The following ANO4 variants were observed in gnomAD, a reference collection of about 807,000 sequenced individuals.
ANO4 encodes anoctamin 4, also known as anoctamin-4.
ANO4 carries 69 observed loss-of-function variants against 141.9 expected under a neutral mutation model. That is an observed-to-expected ratio of 0.49 (90% CI 0.40 to 0.59). The LOEUF is 0.59. Among genes scored for constraint, ANO4 ranks in the 20% least tolerant of loss-of-function variants. ANO4 has a pLI of 0.00. For missense variants in ANO4, 894 were observed against 1,162.2 expected (o/e 0.77, Z 3.36); for synonymous variants, 350 against 394.3 (o/e 0.89, Z 1.33).
chr12:101,110,380 T>C, intron 22 of ANO4, 24 bp from the exon 23 acceptor site: 1 of 1,595,682 alleles, frequency 6.3e-7, no homozygotes, highest in Non-Finnish European at 8.5e-7. Context: ...TACTCTCTGC[T>C]CTTTTTCCTT....
intron 1 of ANO4, among the ~76,000 whole-genome samples, chr12:100,725,478 C>T (rs1449195276): frequency 6.6e-6 from 1 of 151,640 alleles, no homozygotes; most frequent in Non-Finnish European, 1.5e-5. Flanking sequence ...TCCCGAGTAG[C>T]TGGGACTACA....
chr12:100,973,946 CA>C (rs995713720), intron 6 of ANO4, among the ~76,000 whole-genome samples: 1 of 152,050 alleles, frequency 6.6e-6, no homozygotes, highest in Non-Finnish European at 1.5e-5. Context: ...CACAAATACG[CA>C]AAAAAATTGG....
At chr12:100,989,529 T>G (rs1280911391) in intron 8 of ANO4, among the ~76,000 whole-genome samples, 2 of 149,886 alleles carry the variant, frequency 1.3e-5, no homozygotes, top group Non-Finnish European at 3.0e-5. Flanking sequence ...ATGGATACAT[T>G]GATAGGTTGC....
chr12:101,108,200 G>A (rs2050523840), intron 22 of ANO4, among the ~76,000 whole-genome samples: 1 of 152,076 alleles, frequency 6.6e-6, no homozygotes, highest in South Asian at 2.1e-4. Flanking sequence ...ACTTACCAAG[G>A]AAAGAGAGAA....
At chr12:101,120,673 C>T in intron 26 of ANO4, 48 bp downstream of exon 26, 1 of 1,441,898 alleles carries the variant, frequency 6.9e-7, no homozygotes, top group South Asian at 1.2e-5. Context: ...ATAATGAAGT[C>T]AGTAGGAGTA....
rs747556027 is a variant in ANO4 at position 100,939,339 on chromosome 12, T to C, written c.185T>C (p.Phe62Ser). Reference protein sequence around the residue: ...QEMAKDVNILFDELEAVSSPC... With the variant: ...QEMAKDVNILSDELEAVSSPC... Reference sequence around the variant, plus strand: ...GTGGCCAAGGATGTCAATATTCTTTTTGATGAATTAGAAGCTGTCAGCAGT... The same window carrying C: ...GTGGCCAAGGATGTCAATATTCTTTCTGATGAATTAGAAGCTGTCAGCAGT... The change falls in exon 4 of 28, where the codon TTT becomes TCT. Residue 62 changes from phenylalanine to serine, a missense_variant. Phe to Ser is a radical substitution (Grantham distance 155, BLOSUM62 -2). Around this residue, in one of 2 missense-constraint regions of ANO4, gnomAD observed 257 missense variants for 253.0 expected, o/e 1.02. Coordinates refer to ENST00000392977, the MANE Select transcript of ANO4 (RefSeq NM_001286615.2). The C allele has an allele frequency of 1.2e-6, 2 of 1,613,380 alleles. No individual in the cohort carries two copies. Among genetic ancestry groups the C allele is most frequent in the Non-Finnish European group, 1.7e-6 (2 of 1,179,514 alleles).
At chr12:100,796,092 A>G (rs1203731703) in intron 1 of ANO4, among the ~76,000 whole-genome samples, 1 of 147,982 alleles carries the variant, frequency 6.8e-6, no homozygotes, top group Non-Finnish European at 1.5e-5. Context: ...TCAAAGCATC[A>G]TTCCAAAGAA....
intron 14 of ANO4, among the ~76,000 whole-genome samples, chr12:101,054,159 T>C (rs1410815370): frequency 6.6e-6 from 1 of 152,218 alleles, no homozygotes; most frequent in African/African-American, 2.4e-5. Flanking sequence ...TGTCCAACAA[T>C]AGAAGAACGG....
intron 5 of ANO4, among the ~76,000 whole-genome samples, chr12:100,952,013 C>A (rs946070437): frequency 2.0e-5 from 3 of 152,054 alleles, no homozygotes; most frequent in Non-Finnish European, 2.9e-5. Flanking sequence ...GAGGAATCAT[C>A]CCTAGCTGAG....
chr12:101,042,278 A>C lies in ANO4; in HGVS notation c.1020-56A>C, dbSNP rs145686776. 670 of 1,597,432 alleles carry C rather than the reference A, an allele frequency of 4.2e-4. 3 individuals are homozygous for C. The African/African-American group carries it at 7.9e-3, about 19-fold the overall frequency. Reference sequence around the variant, plus strand: ...GTAAAATGACTATACGAAGTTTCATAATGCTTAACTTTACACACTGCACTG... The same window carrying C: ...GTAAAATGACTATACGAAGTTTCATCATGCTTAACTTTACACACTGCACTG... On this transcript the variant is annotated intron_variant, in intron 11 of 27. Transcript: ENST00000392977.
intron 7 of ANO4, among the ~76,000 whole-genome samples, chr12:100,978,013 A>C (rs983780109): frequency 2.0e-5 from 3 of 152,168 alleles, no homozygotes; most frequent in Non-Finnish European, 4.4e-5. Flanking sequence ...CTCAGTCCTC[A>C]AAACTCAGTC....
At chr12:101,091,128 A>G (rs867550328) in intron 17 of ANO4, among the ~76,000 whole-genome samples, 10 of 152,160 alleles carry the variant, frequency 6.6e-5, no homozygotes, top group Admixed American at 2.0e-4. Context: ...GTGGTTTTTC[A>G]TTTATTTTAG....
chr12:101,048,099 T>C, intron 13 of ANO4: 1 of 1,170,698 alleles, frequency 8.5e-7, no homozygotes, highest in Non-Finnish European at 1.1e-6. Context: ...GGGATGCTGA[T>C]AAATGTTCAA....
At position 100,901,667 on chromosome 12, in the gene ANO4, G is replaced by A. The variant is rs1200528395; in HGVS notation, c.-119G>A. 2 of 864,510 alleles carry A rather than the reference G, an allele frequency of 2.3e-6. No homozygotes were observed. The highest frequency in any genetic ancestry group is 2.0e-6 in the Non-Finnish European group (1 of 496,354). The allele number at this position is 864,510 out of a possible 1,614,324, so 53.6% of individuals were successfully genotyped here. On this transcript the variant is annotated 5_prime_UTR_variant, in exon 2 of 28. Transcript: ENST00000392977. ...CCAGGTTTAAGTTTATCTATTCATG[G>A]GGCTGAAAAGCGTTTGCAAATCCAT... is the stretch of plus-strand genomic sequence containing the variant.
At chr12:100,738,126 A>G (rs554136889) in intron 2 of ANO4, among the ~76,000 whole-genome samples, 119 of 152,278 alleles carry the variant, frequency 7.8e-4, no homozygotes, top group Non-Finnish European at 3.2e-4. Flanking sequence ...ACAGCTTACA[A>G]TTTGGGGTGT....
At chr12:100,728,415 C>G (rs542262275) in intron 1 of ANO4, among the ~76,000 whole-genome samples, 6 of 152,272 alleles carry the variant, frequency 3.9e-5, no homozygotes, top group African/African-American at 1.4e-4. Flanking sequence ...AGATGTAACA[C>G]CAGATACAGG....
chr12:100,831,718 G>A lies in ANO4; in HGVS notation c.-141+36691G>A, dbSNP rs561064152. Reference sequence around the variant, plus strand: ...TCATTAGGTTGTGATAAGGTGGAAGGGCCAGTGTCCTGAGTGTCAGAAAAC... The same window carrying A: ...TCATTAGGTTGTGATAAGGTGGAAGAGCCAGTGTCCTGAGTGTCAGAAAAC... On this transcript the variant is annotated intron_variant, in intron 1 of 27. Coordinates refer to ENST00000392977, the MANE Select transcript of ANO4 (RefSeq NM_001286615.2). 3.4e-4 allele frequency among the ~76,000 whole-genome samples: 52 copies of A among 152,058 alleles called. 1 individual carries two copies. Among genetic ancestry groups the A allele is most frequent in the African/African-American group, 1.2e-3 (48 of 41,510 alleles).
intron 1 of ANO4, among the ~76,000 whole-genome samples, chr12:100,835,631 G>C (rs1024732988): frequency 3.9e-5 from 6 of 152,036 alleles, no homozygotes; most frequent in African/African-American, 1.4e-4. Flanking sequence ...TGATTTACTG[G>C]CTTATTTGTG....
At chr12:101,003,514 A>G (rs778111115) in intron 8 of ANO4, among the ~76,000 whole-genome samples, 5 of 152,226 alleles carry the variant, frequency 3.3e-5, no homozygotes, top group Non-Finnish European at 7.3e-5. Flanking sequence ...GAGTAGAGAT[A>G]TATTTTCAAA....
Sources: gnomAD v4.1 joint callset for allele counts (sites outside exome capture counted in the v4.1 genomes callset) on GRCh38, gnomAD v4.1.1 for gene constraint, gnomAD v4.1.1 regional missense constraint, MANE v1.5 for transcripts, NCBI Gene and HGNC (gene_info 2026-07-23, HGNC 2026-07-21) for gene names.